Variants in ZNF407 observed in about 807,000 individuals in gnomAD.
ZNF407 encodes zinc finger protein 407.
Under a neutral mutation model 131.2 loss-of-function variants are expected in ZNF407, and 17 were observed. The ratio of observed to expected loss-of-function variants is 0.13; its 90% CI spans 0.09 to 0.19. The LOEUF (loss-of-function observed/expected upper bound fraction) is 0.19. Among genes scored for constraint, ZNF407 ranks in the 10% least tolerant of loss-of-function variants. The pLI, the probability that ZNF407 is intolerant of heterozygous loss-of-function variation, is 1.00. For synonymous variants in ZNF407, 1,156 were observed against 1,062.0 expected, an observed-to-expected ratio of 1.09 and a Z score of -1.72; for missense variants, 2,681 against 2,830.6, an observed-to-expected ratio of 0.95 and a Z score of 1.20.
At chr18:74,636,170 T>C (rs929720118) in intron 2 of ZNF407, among the ~76,000 whole-genome samples, 1 of 152,200 alleles carries the variant, frequency 6.6e-6, no homozygotes, top group African/African-American at 2.4e-5. Context: ...AAAGTGTAAC[T>C]TCCGGGTAAC....
intron 4 of ZNF407, among the ~76,000 whole-genome samples, chr18:74,821,960 C>T (rs1970346692): frequency 6.6e-6 from 1 of 152,170 alleles, no homozygotes; most frequent in Admixed American, 6.5e-5. Flanking sequence ...AATGATTGCC[C>T]ATGATAACTG....
chr18:74,846,525 TG>T (rs1970705763), intron 4 of ZNF407, among the ~76,000 whole-genome samples: 1 of 151,218 alleles, frequency 6.6e-6, no homozygotes, highest in Non-Finnish European at 1.5e-5. Flanking sequence ...TTAGTAGAGA[TG>T]GGGTTTCACC....
chr18:74,832,092 G>T (rs1362893593), intron 4 of ZNF407, among the ~76,000 whole-genome samples: 2 of 152,190 alleles, frequency 1.3e-5, no homozygotes, highest in South Asian at 2.1e-4. Flanking sequence ...TTCATGTGGG[G>T]AGATGATTCA....
At chr18:75,033,164 T>C (rs959631296) in intron 8 of ZNF407, among the ~76,000 whole-genome samples, 25 of 123,784 alleles carry the variant, frequency 2.0e-4, no homozygotes, top group South Asian at 2.8e-4. Context: ...CTAAGACTGC[T>C]CAGAATGGGG....
chr18:75,008,502 A>G (rs1211862727), intron 8 of ZNF407, among the ~76,000 whole-genome samples: 1 of 152,236 alleles, frequency 6.6e-6, no homozygotes, highest in Non-Finnish European at 1.5e-5. Flanking sequence ...GCAGAAAGTC[A>G]TCCCCGGATA....
At chr18:74,644,816 A>G (rs546078505) in intron 3 of ZNF407, among the ~76,000 whole-genome samples, 2 of 151,628 alleles carry the variant, frequency 1.3e-5, no homozygotes, top group East Asian at 3.9e-4. Flanking sequence ...TTTCTTTTCT[A>G]TATTTCTCCA....
chr18:74,626,381 A>C (rs1307089437), intron 1 of ZNF407, among the ~76,000 whole-genome samples: 1 of 152,240 alleles, frequency 6.6e-6, no homozygotes, highest in Non-Finnish European at 1.5e-5. Context: ...AAAAGAATGA[A>C]AAAATATGTT....
At chr18:74,907,142 A>G (rs928780889) in intron 7 of ZNF407, among the ~76,000 whole-genome samples, 1 of 152,156 alleles carries the variant, frequency 6.6e-6, no homozygotes, top group Non-Finnish European at 1.5e-5. Context: ...TTCCATGTTC[A>G]TAAGAGCTAC....
At chr18:74,783,399 T>A (rs574590736) in intron 4 of ZNF407, among the ~76,000 whole-genome samples, 1 of 152,150 alleles carries the variant, frequency 6.6e-6, no homozygotes, top group Non-Finnish European at 1.5e-5. Context: ...ACTTAGAAAT[T>A]TTTTTAAAAG....
At chr18:74,907,523 C>T (rs1481953523) in intron 7 of ZNF407, among the ~76,000 whole-genome samples, 7 of 152,142 alleles carry the variant, frequency 4.6e-5, no homozygotes, top group Non-Finnish European at 8.8e-5. Flanking sequence ...CGTACATGGT[C>T]GGGGAAATGG....
intron 1 of ZNF407, among the ~76,000 whole-genome samples, chr18:74,621,505 C>G (rs947906558): frequency 6.6e-6 from 1 of 152,098 alleles, no homozygotes; most frequent in African/African-American, 2.4e-5. Context: ...TGGCTGTGGG[C>G]AGCAGCCCCC....
intron 4 of ZNF407, among the ~76,000 whole-genome samples, chr18:74,788,089 C>G (rs1164477443): frequency 1.3e-5 from 2 of 152,178 alleles, no homozygotes; most frequent in African/African-American, 2.4e-5. Context: ...AAATTGTGAT[C>G]CATCTCTAGT....
intron 3 of ZNF407, among the ~76,000 whole-genome samples, chr18:74,778,938 A>G (rs1969532552): frequency 6.6e-6 from 1 of 151,648 alleles, no homozygotes; most frequent in Admixed American, 6.6e-5. Flanking sequence ...TGATATGTAG[A>G]TTATGTATAT....
intron 8 of ZNF407, among the ~76,000 whole-genome samples, chr18:74,925,373 T>C (rs1393124690): frequency 6.6e-6 from 1 of 152,242 alleles, no homozygotes; most frequent in East Asian, 1.9e-4. Flanking sequence ...TTCCCATTTA[T>C]AAGAATAAGA....
chr18:75,023,156 A>G (rs1568303919), intron 8 of ZNF407, among the ~76,000 whole-genome samples: 2 of 152,152 alleles, frequency 1.3e-5, no homozygotes, highest in Non-Finnish European at 2.9e-5. Context: ...AGGAAGGAGA[A>G]CAAGACACGC....
intron 7 of ZNF407, among the ~76,000 whole-genome samples, chr18:74,903,475 CTA>C (rs1161360295): frequency 6.6e-6 from 1 of 152,134 alleles, no homozygotes; most frequent in Non-Finnish European, 1.5e-5. Context: ...CCTAACCACT[CTA>C]AAAAAATGAT....
intron 1 of ZNF407, among the ~76,000 whole-genome samples, chr18:74,626,265 A>C (rs1479070830): frequency 1.3e-5 from 2 of 152,272 alleles, no homozygotes; most frequent in Admixed American, 1.3e-4. Flanking sequence ...AGCTGCTAGC[A>C]ATGCAAAACA....
At chr18:74,600,277 C>T (rs1206511615) in intron 1 of ZNF407, among the ~76,000 whole-genome samples, 3 of 152,140 alleles carry the variant, frequency 2.0e-5, no homozygotes, top group Admixed American at 6.6e-5. Context: ...AGGCAGCAAC[C>T]AAAAGAGGCT....
At chr18:74,696,744 A>G (rs902553336) in intron 3 of ZNF407, among the ~76,000 whole-genome samples, 6 of 152,150 alleles carry the variant, frequency 3.9e-5, no homozygotes, top group Non-Finnish European at 7.3e-5. Flanking sequence ...AGGCTTTGCA[A>G]TGTGGTAGTA....
Sources: allele counts gnomAD v4.1 joint callset (sites outside exome capture counted in the v4.1 genomes callset), GRCh38; gene constraint gnomAD v4.1.1; transcripts MANE v1.5; gene names NCBI Gene and HGNC (gene_info 2026-07-23, HGNC 2026-07-21).